The following SPINK1 variants were observed in gnomAD, a reference collection of about 807,000 sequenced individuals.
The protein encoded by SPINK1 is serine protease inhibitor Kazal-type 1.
Under a neutral mutation model 9.5 loss-of-function variants are expected in SPINK1, and 5 were observed. That is an observed-to-expected ratio of 0.52 (90% CI 0.27 to 1.10). The LOEUF (loss-of-function observed/expected upper bound fraction) is 1.10. Ranked by LOEUF, SPINK1 falls within the 50% of genes least tolerant of loss-of-function variation. The probability of loss-of-function intolerance (pLI) is 0.11; values close to 1 mark genes in which losing one functional copy is unlikely to be tolerated. For synonymous variants in SPINK1, 37 were observed against 32.3 expected, an observed-to-expected ratio of 1.14 and a Z score of -0.49; for missense variants, 88 against 92.7, an observed-to-expected ratio of 0.95 and a Z score of 0.21.
At chr5:147,829,470 C>A (rs924341317) in intron 2 of SPINK1, 129 bp downstream of exon 2, 4 of 842,172 alleles carry the variant, frequency 4.7e-6, no homozygotes, top group South Asian at 4.3e-5. Flanking sequence ...GCATTTCTCA[C>A]GTTAACCCTC....
chr5:147,834,943 C>T (rs1337187566), upstream of SPINK1, among the ~76,000 whole-genome samples: 1 of 152,030 alleles, frequency 6.6e-6, no homozygotes, highest in Non-Finnish European at 1.5e-5. Context: ...TCTATTCCAT[C>T]CCAGTTTGCC....
At chr5:147,827,835 C>T (rs1756436311) in intron 3 of SPINK1, 187 bp downstream of exon 3, 1 of 508,460 alleles carries the variant, frequency 2.0e-6, no homozygotes, top group African/African-American at 1.9e-5. Context: ...AGGCTTTTAT[C>T]ATACAAGTGA....
chr5:147,833,297 G>A (rs1177930517), upstream of SPINK1, among the ~76,000 whole-genome samples: 1 of 152,152 alleles, frequency 6.6e-6, no homozygotes, highest in African/African-American at 2.4e-5. Flanking sequence ...TAAATCTAGT[G>A]CAGTCTAGAG....
At chr5:147,834,711 T>A (rs928151540), upstream of SPINK1, among the ~76,000 whole-genome samples, 3 of 152,132 alleles carry the variant, frequency 2.0e-5, no homozygotes, top group Admixed American at 2.0e-4. Flanking sequence ...TAGATAATAA[T>A]AGCAGCAGTA....
intron 2 of SPINK1, 138 bp downstream of exon 2, chr5:147,829,461 C>A: frequency 1.3e-6 from 1 of 773,414 alleles, no homozygotes; most frequent in South Asian, 1.5e-5. Context: ...CTACCATTTG[C>A]ATTTCTCACG....
intron 1 of SPINK1, 117 bp from the exon 2 acceptor site, chr5:147,829,747 TC>T: frequency 2.2e-6 from 2 of 920,006 alleles, no homozygotes; most frequent in Non-Finnish European, 3.5e-6. Flanking sequence ...GCTCTTTCAT[TC>T]CCCACCCTTT....
chr5:147,829,617 A>G lies in SPINK1; in HGVS notation c.69T>C (p.Ala23=). The G allele has an allele frequency of 1.2e-6, 2 of 1,612,654 alleles. No homozygotes were observed. Among genetic ancestry groups the G allele is most frequent in the Non-Finnish European group, 1.7e-6 (2 of 1,179,008 alleles). Residue 23 remains alanine (A), a synonymous_variant, in exon 2 of 4, where the codon GCT becomes GCC. Transcript: ENST00000296695. ...TCTTTACCTCTCTTCCCAGGGAGTC[A>G]GCTCCAGTGTTACCTAGAAATAAAT... ...ALLSLSGNTG[A]DSLGREAKCY...
At chr5:147,828,805 G>A (rs1756457307) in intron 2 of SPINK1, among the ~76,000 whole-genome samples, 2 of 152,084 alleles carry the variant, frequency 1.3e-5, no homozygotes, top group African/African-American at 4.8e-5. Flanking sequence ...CCTAAATTCA[G>A]AATTCAAACC....
chr5:147,832,589 A>G (rs1420928653), upstream of SPINK1, among the ~76,000 whole-genome samples: 1 of 152,192 alleles, frequency 6.6e-6, no homozygotes. Context: ...TCGGGTTTTT[A>G]AAAGCTTGGC....
chr5:147,835,438 T>G (rs924620258), upstream of SPINK1, among the ~76,000 whole-genome samples: 2 of 151,934 alleles, frequency 1.3e-5, no homozygotes, highest in African/African-American at 4.8e-5. Flanking sequence ...AGATGAGGAG[T>G]GCATTGACCA....
rs529746687 is a variant in SPINK1 at position 147,831,597 on chromosome 5, G to A, written c.-20C>T. On this transcript the variant is annotated 5_prime_UTR_variant, in exon 1 of 4. Coordinates refer to ENST00000296695, the MANE Select transcript of SPINK1 (RefSeq NM_001379610.1). Reference sequence around the variant, plus strand: ...CTTCATGGCTGAAGTTCTGCGTCCAGAGGTCAGTTGAAAACTGCACCGCAC... The same window carrying A: ...CTTCATGGCTGAAGTTCTGCGTCCAAAGGTCAGTTGAAAACTGCACCGCAC... The A allele has an allele frequency of 5.0e-5, 80 of 1,613,028 alleles. No individual in the cohort carries two copies. The South Asian group carries it at 8.8e-4, about 18-fold the overall frequency.
intron 1 of SPINK1, among the ~76,000 whole-genome samples, chr5:147,830,766 G>A (rs542441231): frequency 2.0e-5 from 3 of 152,288 alleles, no homozygotes; most frequent in African/African-American, 7.2e-5. Context: ...CACTACATGA[G>A]AGGTGAAGTT....
At chr5:147,837,706 T>TTTCTTTCC in the SPINK1 span, among the ~76,000 whole-genome samples, 24 of 148,444 alleles carry the variant, frequency 1.6e-4, no homozygotes, top group Admixed American at 5.4e-4. Flanking sequence ...TCTTTCTTTC[T>TTTCTTTCC]TTCTTTCTTT....
chr5:147,829,602 T>A lies in SPINK1; in HGVS notation c.84A>T (p.Arg28Ser), dbSNP rs1756473682. Residue 28 changes from arginine (R) to serine (S), a missense_variant, in exon 2 of 4, where the codon AGA (arginine) becomes AGT (serine). Arg to Ser is a moderately radical substitution (Grantham distance 110). Transcript: ENST00000296695. Reference protein sequence around the residue: ...SGNTGADSLGREAKCYNELNG... With the variant: ...SGNTGADSLGSEAKCYNELNG... ...GAAATTACAAATATCTCTTTACCTC[T>A]CTTCCCAGGGAGTCAGCTCCAGTGT... is the stretch of plus-strand genomic sequence containing the variant. The A allele has an allele frequency of 2.5e-6, 4 of 1,612,632 alleles. No individual in the cohort carries two copies. The highest frequency in any genetic ancestry group is 3.4e-6 in the Non-Finnish European group (4 of 1,179,144).
upstream of SPINK1, among the ~76,000 whole-genome samples, chr5:147,835,092 G>A (rs1387830122): frequency 1.3e-5 from 2 of 151,968 alleles, no homozygotes; most frequent in Non-Finnish European, 2.9e-5. Context: ...GATAGGGAAT[G>A]GCCCTTTGCA....
At chr5:147,826,746 C>T (rs1645149018) in intron 3 of SPINK1, among the ~76,000 whole-genome samples, 1 of 152,144 alleles carries the variant, frequency 6.6e-6, no homozygotes. Flanking sequence ...TGTTTTGGGT[C>T]TAAAACTTCA....
rs764412229 is a variant in SPINK1, at chr5:147,824,720, TA to T, written c.195-15del. The T allele has an allele frequency of 3.6e-5, 58 of 1,609,868 alleles. No individual in the cohort carries two copies. Among genetic ancestry groups the T allele is most frequent in the Non-Finnish European group, 3.8e-5 (45 of 1,177,074 alleles). On this transcript the variant is annotated splice_polypyrimidine_tract_variant and intron_variant, in intron 3 of 3. Transcript: ENST00000296695. ...GTCTGGCGTTTCCTGCAGTAGAGAT[TA>T]AAAAAAATATATCAGCTTAAACTTC...
upstream of SPINK1, among the ~76,000 whole-genome samples, chr5:147,836,296 T>TTG (rs58122057): frequency 0.023 from 3,343 of 146,506 alleles, 33 homozygotes; most frequent in African/African-American, 0.028. Flanking sequence ...ATTTACTGAT[T>TTG]TGTGTGTGTG....
At chr5:147,834,817 A>AT (rs1406253484), upstream of SPINK1, among the ~76,000 whole-genome samples, 2 of 152,146 alleles carry the variant, frequency 1.3e-5, no homozygotes, top group Non-Finnish European at 2.9e-5. Context: ...TAAAGTAAAA[A>AT]TTTTGAGTTA....
Sources: allele counts gnomAD v4.1 joint callset (sites outside exome capture counted in the v4.1 genomes callset), GRCh38; gene constraint gnomAD v4.1.1; transcripts MANE v1.5; gene names NCBI Gene and HGNC (gene_info 2026-07-23, HGNC 2026-07-21).